SERPINB10: variants seen among roughly 807,000 people sequenced by gnomAD.
SERPINB10 encodes the protein serpin B10.
SERPINB10 carries 35 observed loss-of-function variants against 39.1 expected under a neutral mutation model. That is an observed-to-expected ratio of 0.90 (90% CI 0.68 to 1.19). The LOEUF is 1.19. SERPINB10 is among the 50% of genes most tolerant of loss of function. The pLI is 0.00. For missense variants in SERPINB10, 546 were observed against 460.5 expected (o/e 1.19, Z -1.70); for synonymous variants, 190 against 158.1 (o/e 1.20, Z -1.52).
chr18:63,934,013 C>A (rs1469664915), intron 7 of SERPINB10, among the ~76,000 whole-genome samples: 1 of 152,116 alleles, frequency 6.6e-6, no homozygotes, highest in Non-Finnish European at 1.5e-5. Context: ...GGACAAATAA[C>A]CATCAGAGTC....
chr18:63,930,230 T>G (rs778956141), intron 6 of SERPINB10, 43 bp downstream of exon 6: 10 of 1,583,002 alleles, frequency 6.3e-6, no homozygotes, highest in Non-Finnish European at 7.8e-6. Flanking sequence ...CACATGGCAT[T>G]GTACAAGTGA....
At chr18:63,911,356 G>A (rs538856215) in intron 1 of SERPINB10, among the ~76,000 whole-genome samples, 1 of 149,534 alleles carries the variant, frequency 6.7e-6, no homozygotes, top group South Asian at 2.1e-4. Flanking sequence ...CCCCAACACT[G>A]ATATCCAGAA....
rs17072127 is a variant in SERPINB10, at chr18:63,918,246, C to A, written c.372+144C>A. On this transcript the variant is annotated intron_variant, in intron 4 of 7. Coordinates refer to ENST00000238508, the MANE Select transcript of SERPINB10 (RefSeq NM_005024.3). ...CCTGCAAACAATCAATTAGACCAACCAATGAGTGTCTAGTGGTAAAGGAAA... is the reference window on the plus strand; with the variant it reads ...CCTGCAAACAATCAATTAGACCAACAAATGAGTGTCTAGTGGTAAAGGAAA... 8.2e-3 allele frequency: 6,009 copies of A among 734,072 alleles called. 287 individuals are homozygous for A. In the African/African-American group the frequency reaches 0.097, roughly 12 times the overall value. The allele number at this position is 734,072 out of a possible 1,614,324, so 45.5% of individuals were successfully genotyped here.
At chr18:63,920,554 G>A (rs2050139499) in intron 5 of SERPINB10, among the ~76,000 whole-genome samples, 1 of 151,998 alleles carries the variant, frequency 6.6e-6, no homozygotes, top group Non-Finnish European at 1.5e-5. Flanking sequence ...ATAGCCAGTT[G>A]TAGTAGCAGC....
Position 63,908,060 on chromosome 18 carries a change from G to C in SERPINB10, c.-10+20G>C, listed in dbSNP as rs1157693266. On this transcript the variant is annotated intron_variant, in intron 1 of 7. Coordinates refer to ENST00000238508, the MANE Select transcript of SERPINB10 (RefSeq NM_005024.3). The stretch of plus-strand genomic sequence containing the variant: ...AACAAGGTATTGTAAATATTTCTTT[G>C]GTTAATGATTTTATTTATGTTTTTC... 2.0e-5 allele frequency: 6 copies of C among 302,512 alleles called. No homozygotes were observed. The highest frequency in any genetic ancestry group is 1.4e-4 in the African/African-American group (6 of 42,948). The allele number at this position is 302,512 out of a possible 1,614,324, so 18.7% of individuals were successfully genotyped here.
At chr18:63,914,238 T>C (rs750830824) in intron 1 of SERPINB10, among the ~76,000 whole-genome samples, 1 of 152,236 alleles carries the variant, frequency 6.6e-6, no homozygotes, top group African/African-American at 2.4e-5. Context: ...CTGTGCTTTT[T>C]AAATATGGTG....
At chr18:63,930,338 T>C in intron 6 of SERPINB10, 151 bp downstream of exon 6, 1 of 817,228 alleles carries the variant, frequency 1.2e-6, no homozygotes, top group Non-Finnish European at 1.9e-6. Context: ...TTCAGTTCCA[T>C]GGGGAATTCA....
In SERPINB10 at chr18:63,930,199, T is replaced by G; in HGVS notation, c.633+12T>G. The G allele has an allele frequency of 4.3e-6, 7 of 1,611,432 alleles. No homozygotes were observed. The highest frequency in any genetic ancestry group is 5.9e-6 in the Non-Finnish European group (7 of 1,178,938). ...TTAGAATAAACGAGGTAGGAAATTT[T>G]TAAAGATCAGTTTGGATTTTCACAT... On this transcript the variant is annotated intron_variant, in intron 6 of 7. Coordinates refer to ENST00000238508, the MANE Select transcript of SERPINB10 (RefSeq NM_005024.3).
intron 5 of SERPINB10, among the ~76,000 whole-genome samples, chr18:63,927,844 C>T (rs942997608): frequency 6.6e-6 from 1 of 152,006 alleles, no homozygotes; most frequent in South Asian, 2.1e-4. Flanking sequence ...AATGGGTTTA[C>T]GGATGGGAAT....
chr18:63,927,607 C>T (rs945179473), intron 5 of SERPINB10, among the ~76,000 whole-genome samples: 19 of 148,104 alleles, frequency 1.3e-4, no homozygotes, highest in Admixed American at 2.8e-4. Flanking sequence ...GAGGGCAGAG[C>T]CCTCCTGATC....
chr18:63,922,080 A>G (rs2050150711), intron 5 of SERPINB10, among the ~76,000 whole-genome samples: 1 of 151,986 alleles, frequency 6.6e-6, no homozygotes, highest in Non-Finnish European at 1.5e-5. Flanking sequence ...GTCCCCTGCT[A>G]GACTCAAGGA....
chr18:63,929,950 T>C (rs2050209339), intron 5 of SERPINB10, 95 bp from the exon 6 acceptor site: 1 of 1,338,334 alleles, frequency 7.5e-7, no homozygotes, highest in South Asian at 1.3e-5. Context: ...TAAAGAAAAC[T>C]TTTATAGTTC....
At chr18:63,911,371 G>A (rs992553583) in intron 1 of SERPINB10, among the ~76,000 whole-genome samples, 7 of 140,458 alleles carry the variant, frequency 5.0e-5, no homozygotes, top group East Asian at 2.0e-4. Context: ...CCAGAATGGC[G>A]TTTCCTGGAT....
chr18:63,935,139 G>A lies in SERPINB10; in HGVS notation c.1091G>A (p.Arg364Lys), dbSNP rs1289853589. Residue 364 changes from arginine to lysine, a missense_variant, in exon 8 of 8, where the codon AGA (arginine) becomes AAA (lysine). Transcript: ENST00000238508. ...GSGSEIDIRI[R>K]VPSIEFNANH... is the part of the protein sequence containing the mutation. ...GGGAGTGAGATAGATATACGAATTA[G>A]AGTCCCATCCATTGAATTCAATGCA... The A allele has an allele frequency of 6.2e-7, 1 of 1,613,476 alleles. No homozygotes were observed. The highest frequency in any genetic ancestry group is 8.5e-7 in the Non-Finnish European group (1 of 1,180,034).
intron 1 of SERPINB10, 74 bp downstream of exon 1, chr18:63,908,114 C>A (rs2050038543): frequency 8.0e-6 from 2 of 251,174 alleles, no homozygotes; most frequent in Non-Finnish European, 1.7e-5. Flanking sequence ...AGCTAGGTAA[C>A]AAATAATGAA....
At chr18:63,908,932 G>A (rs193122100) in intron 1 of SERPINB10, among the ~76,000 whole-genome samples, 35 of 152,134 alleles carry the variant, frequency 2.3e-4, no homozygotes, top group Admixed American at 2.2e-3. Context: ...ACAATGGCAA[G>A]AGCAACTGTA....
In SERPINB10 at chr18:63,935,365, A is replaced by C. The variant is rs2050255806; in HGVS notation, c.*123A>C. ...TAAACCTTTTTCACATTTGAATATA[A>C]GTAAATAGATCTTGAAATAATGCAT... On this transcript the variant is annotated 3_prime_UTR_variant, in exon 8 of 8. Coordinates refer to ENST00000238508, the MANE Select transcript of SERPINB10 (RefSeq NM_005024.3). 1.1e-6 allele frequency: 1 copy of C among 940,950 alleles called. No homozygotes were observed. Among genetic ancestry groups the C allele is most frequent in the Non-Finnish European group, 1.6e-6 (1 of 634,786 alleles). The allele number at this position is 940,950 out of a possible 1,614,324, so 58.3% of individuals were successfully genotyped here. A position where few individuals can be genotyped will look rare whatever the true frequency, so the allele number is the denominator to read the frequency against.
At chr18:63,929,020 C>A (rs532213846) in intron 5 of SERPINB10, among the ~76,000 whole-genome samples, 16 of 152,294 alleles carry the variant, frequency 1.1e-4, no homozygotes, top group Admixed American at 9.2e-4. Context: ...GCTTTTGTGA[C>A]AATACTTGGC....
intron 5 of SERPINB10, among the ~76,000 whole-genome samples, chr18:63,929,021 A>G (rs1365379416): frequency 6.6e-6 from 1 of 152,204 alleles, no homozygotes; most frequent in East Asian, 1.9e-4. Flanking sequence ...CTTTTGTGAC[A>G]ATACTTGGCT....
Sources: allele counts gnomAD v4.1 joint callset (sites outside exome capture counted in the v4.1 genomes callset), GRCh38; gene constraint gnomAD v4.1.1; transcripts MANE v1.5; gene names NCBI Gene and HGNC (gene_info 2026-07-23, HGNC 2026-07-21).